The following HDAC4 variants were observed in gnomAD, a reference collection of about 807,000 sequenced individuals.
HDAC4 encodes the protein histone deacetylase 4.
A neutral mutation model predicts 135.1 loss-of-function variants in HDAC4; 16 were observed. That is an observed-to-expected ratio of 0.12 (90% CI 0.08 to 0.18). HDAC4 has a LOEUF of 0.18. Ranked by LOEUF, HDAC4 falls within the 10% of genes least tolerant of loss-of-function variation. HDAC4 has a pLI of 1.00. For missense variants in HDAC4, 1,143 were observed against 1,511.8 expected, an observed-to-expected ratio of 0.76 and a Z score of 4.05; for synonymous variants, 685 against 653.4, an observed-to-expected ratio of 1.05 and a Z score of -0.74.
intron 12 of HDAC4, among the ~76,000 whole-genome samples, chr2:239,116,481 T>C (rs1460361515): frequency 1.3e-5 from 2 of 152,256 alleles, no homozygotes; most frequent in African/African-American, 2.4e-5. Context: ...TGGACGGTGC[T>C]GCTTCTCTCC....
intron 3 of HDAC4, among the ~76,000 whole-genome samples, chr2:239,196,335 GAGGCCCAA>G (rs2045377993): frequency 6.6e-6 from 1 of 152,214 alleles, no homozygotes. Flanking sequence ...CCGCTTCAAT[GAGGCCCAA>G]ACGTCACCCT....
Position 239,082,189 on chromosome 2 carries a change from A to G in HDAC4, c.2565T>C (p.Ala855=), listed in dbSNP as rs1240773605. Reference sequence around the variant, plus strand: ...ACAGGACGCTGGGGTCGCTGTAGAAAGCCTGCTGGGTCCCGTTTCCATGGT... The same window carrying G: ...ACAGGACGCTGGGGTCGCTGTAGAAGGCCTGCTGGGTCCCGTTTCCATGGT... ...DVHHGNGTQQ[A]FYSDPSVLYM... The change falls in exon 21 of 27, where the codon GCT becomes GCC. Residue 855 remains alanine, a synonymous_variant. Transcript: ENST00000543185. The G allele has an allele frequency of 1.2e-6, 2 of 1,614,198 alleles. No individual in the cohort carries two copies. Among genetic ancestry groups the G allele is most frequent in the Middle Eastern group, 1.6e-4 (1 of 6,062 alleles).
chr2:239,093,501 C>T (rs550755791), intron 17 of HDAC4, among the ~76,000 whole-genome samples: 95 of 152,348 alleles, frequency 6.2e-4, no homozygotes, highest in African/African-American at 2.1e-3. Context: ...GGGTCTGCAC[C>T]GGCCTCCTGT....
At chr2:239,156,256 C>A (rs116279858) in intron 7 of HDAC4, among the ~76,000 whole-genome samples, 1,537 of 152,308 alleles carry the variant, frequency 0.01, 30 homozygotes, top group African/African-American at 0.035. Context: ...CACTGCCCAG[C>A]GCCATCCCTG....
At chr2:239,357,586 C>T (rs753491811) in intron 1 of HDAC4, among the ~76,000 whole-genome samples, 10 of 151,350 alleles carry the variant, frequency 6.6e-5, no homozygotes, top group Admixed American at 3.3e-4. Context: ...TTAACAATAT[C>T]GAGAATGAGA....
chr2:239,260,716 C>T (rs1041455806), intron 2 of HDAC4, among the ~76,000 whole-genome samples: 3 of 152,218 alleles, frequency 2.0e-5, no homozygotes, highest in East Asian at 1.9e-4. Context: ...TGAGGTCCCC[C>T]TGCTGCAGTG....
At position 239,387,436 on chromosome 2, in the gene HDAC4, C is replaced by T. The variant is rs961854100; in HGVS notation, c.-220+13542G>A. On this transcript the variant is annotated intron_variant, in intron 1 of 26. Transcript: ENST00000543185. ...GGAGAGCCTCCCACCCCTTACTTTA[C>T]AAAACCCCCCACCTTCGCCTGGAAG... 2.0e-5 allele frequency among the ~76,000 whole-genome samples: 3 copies of T among 152,184 alleles called. No individual in the cohort carries two copies. The South Asian group carries it at 6.2e-4, about 31-fold the overall frequency.
At chr2:239,343,730 C>A (rs893394620) in intron 2 of HDAC4, among the ~76,000 whole-genome samples, 1 of 152,202 alleles carries the variant, frequency 6.6e-6, no homozygotes, top group Non-Finnish European at 1.5e-5. Context: ...AGCAGACAGG[C>A]TCAATGCCTC....
At chr2:239,250,875 G>GT in intron 2 of HDAC4, among the ~76,000 whole-genome samples, 1 of 152,204 alleles carries the variant, frequency 6.6e-6, no homozygotes, top group East Asian at 1.9e-4. Context: ...CTCGGGGGCG[G>GT]TTTTCCCTCA....
chr2:239,111,051 G>C (rs2038623080), intron 14 of HDAC4, among the ~76,000 whole-genome samples: 1 of 152,272 alleles, frequency 6.6e-6, no homozygotes, highest in Non-Finnish European at 1.5e-5. Flanking sequence ...GGCTCCCACA[G>C]CGTGTCCCAG....
chr2:239,348,921 T>C (rs1026135077), intron 2 of HDAC4, among the ~76,000 whole-genome samples: 2 of 152,120 alleles, frequency 1.3e-5, no homozygotes, highest in African/African-American at 4.8e-5. Context: ...AATAAAACCG[T>C]AACACAAAAC....
intron 7 of HDAC4, among the ~76,000 whole-genome samples, chr2:239,147,474 C>T (rs143198935): frequency 1.3e-5 from 2 of 152,408 alleles, no homozygotes; most frequent in African/African-American, 4.8e-5. Context: ...GGTAAGCCGG[C>T]ACCTGGTGAC....
In HDAC4 at chr2:239,264,272, C is replaced by T. The variant is rs189236546; in HGVS notation, c.23-27608G>A. ...AGCCTCCACTGCGGAGGAGCAGATG[C>T]GCCTGCCAGGTTCCATTCAGCTTCG... On this transcript the variant is annotated intron_variant, in intron 2 of 26. Transcript: ENST00000543185. Among the ~76,000 whole-genome samples, 524 of 152,324 alleles carry T rather than the reference C, an allele frequency of 3.4e-3. 4 individuals carry two copies. The highest frequency in any genetic ancestry group is 6.1e-3 in the Non-Finnish European group (414 of 68,024).
chr2:239,086,953 G>A (rs536400333), intron 19 of HDAC4, among the ~76,000 whole-genome samples: 2 of 152,262 alleles, frequency 1.3e-5, no homozygotes, highest in East Asian at 3.9e-4. Flanking sequence ...TCACCACCCA[G>A]GCTGCAAGGC....
At chr2:239,217,772 G>A (rs2046721912) in intron 3 of HDAC4, among the ~76,000 whole-genome samples, 1 of 152,098 alleles carries the variant, frequency 6.6e-6, no homozygotes, top group South Asian at 2.1e-4. Flanking sequence ...AGTCAAATAG[G>A]AAACAAAACA....
intron 24 of HDAC4, among the ~76,000 whole-genome samples, chr2:239,061,445 T>A (rs535090812): frequency 6.6e-6 from 1 of 150,696 alleles, no homozygotes; most frequent in Non-Finnish European, 1.5e-5. Context: ...GACTGGTGCC[T>A]GTGTGGGTGT....
chr2:239,321,952 G>C (rs1384453152), intron 2 of HDAC4, among the ~76,000 whole-genome samples: 1 of 152,230 alleles, frequency 6.6e-6, no homozygotes, highest in Non-Finnish European at 1.5e-5. Flanking sequence ...AGCAATGAAA[G>C]AATGAAGCAA....
At chr2:239,184,068 G>GT (rs1249215217) in intron 4 of HDAC4, among the ~76,000 whole-genome samples, 1 of 34,050 alleles carries the variant, frequency 2.9e-5, no homozygotes, top group South Asian at 2.0e-3. Flanking sequence ...CCTTGCTAGT[G>GT]TAAAAAAAAA....
chr2:239,073,444 G>A (rs1005423196), intron 22 of HDAC4, among the ~76,000 whole-genome samples: 27 of 152,344 alleles, frequency 1.8e-4, no homozygotes, highest in South Asian at 6.2e-4. Context: ...CCAGGACCAC[G>A]TGATGCTGCC....
Sources: gnomAD v4.1 joint callset for allele counts (sites outside exome capture counted in the v4.1 genomes callset) on GRCh38, gnomAD v4.1.1 for gene constraint, MANE v1.5 for transcripts, NCBI Gene and HGNC (gene_info 2026-07-23, HGNC 2026-07-21) for gene names.